TENT4B: variants seen among roughly 807,000 people sequenced by gnomAD.
TENT4B encodes terminal nucleotidyltransferase 4B.
TENT4B carries 10 observed loss-of-function variants against 75.0 expected under a neutral mutation model. That is an observed-to-expected ratio of 0.13 (90% CI 0.08 to 0.23). The LOEUF is 0.23. TENT4B is among the 10% of genes least tolerant of loss of function. The pLI is 1.00. For missense variants in TENT4B, 579 were observed against 893.8 expected (o/e 0.65, Z 4.49); for synonymous variants, 350 against 357.7 (o/e 0.98, Z 0.24).
At chr16:50,191,285 A>G (rs2038632989) in intron 1 of TENT4B, among the ~76,000 whole-genome samples, 1 of 152,022 alleles carries the variant, frequency 6.6e-6, no homozygotes, top group African/African-American at 2.4e-5. Context: ...AGGAAGTGCC[A>G]TGCTGTTTTC....
intron 1 of TENT4B, among the ~76,000 whole-genome samples, chr16:50,179,864 A>G (rs780754995): frequency 6.6e-6 from 1 of 152,150 alleles, no homozygotes; most frequent in Admixed American, 6.5e-5. Context: ...GTTAAATCAA[A>G]TAAAACCAGG....
intron 3 of TENT4B, among the ~76,000 whole-genome samples, chr16:50,214,842 C>T (rs1264668192): frequency 6.6e-6 from 1 of 152,170 alleles, no homozygotes; most frequent in Non-Finnish European, 1.5e-5. Flanking sequence ...GAGTATTGCT[C>T]AGTCCCATAA....
chr16:50,206,252 T>A (rs2030958530), intron 1 of TENT4B, among the ~76,000 whole-genome samples: 1 of 152,084 alleles, frequency 6.6e-6, no homozygotes, highest in African/African-American at 2.4e-5. Context: ...TCAGGAGAGA[T>A]TGTAGTAATT....
intron 1 of TENT4B, among the ~76,000 whole-genome samples, chr16:50,197,253 C>T (rs1013629916): frequency 2.0e-5 from 3 of 152,166 alleles, no homozygotes; most frequent in African/African-American, 7.2e-5. Context: ...ACTAGAGACA[C>T]TTCCCATTTG....
intron 10 of TENT4B, among the ~76,000 whole-genome samples, chr16:50,226,123 C>T (rs910570578): frequency 6.6e-6 from 1 of 152,016 alleles, no homozygotes; most frequent in African/African-American, 2.4e-5. Context: ...CCTCAGCCTC[C>T]TGAGTATCTA....
chr16:50,165,091 C>G (rs754701573), intron 1 of TENT4B, among the ~76,000 whole-genome samples: 5 of 151,260 alleles, frequency 3.3e-5, no homozygotes, highest in African/African-American at 4.9e-5. Context: ...TGACAAACAT[C>G]TTTTCATTTC....
chr16:50,163,862 T>C (rs1258629119), intron 1 of TENT4B, among the ~76,000 whole-genome samples: 1 of 151,986 alleles, frequency 6.6e-6, no homozygotes, highest in Admixed American at 6.6e-5. Context: ...TTTTATTTTA[T>C]AGAAATGGGG....
intron 1 of TENT4B, among the ~76,000 whole-genome samples, chr16:50,155,058 G>T (rs908954566): frequency 6.6e-6 from 1 of 152,052 alleles, no homozygotes; most frequent in Admixed American, 6.6e-5. Flanking sequence ...CATTCTAGGG[G>T]GTAGAGATTT....
intron 2 of TENT4B, among the ~76,000 whole-genome samples, chr16:50,213,727 T>C (rs2031404804): frequency 6.6e-6 from 1 of 152,156 alleles, no homozygotes; most frequent in South Asian, 2.1e-4. Context: ...CAGAAAAAAC[T>C]ATAAAAATAA....
intron 10 of TENT4B, among the ~76,000 whole-genome samples, chr16:50,227,336 G>A (rs1039060826): frequency 2.0e-5 from 3 of 152,166 alleles, no homozygotes; most frequent in Non-Finnish European, 2.9e-5. Flanking sequence ...GCAGAGAGAC[G>A]TAGCATTGTC....
In TENT4B at chr16:50,233,949, A is replaced by G; in HGVS notation, c.*4621A>G. The G allele has an allele frequency of 1.0e-6, 1 of 985,446 alleles. No homozygotes were observed. Among genetic ancestry groups the G allele is most frequent in the Non-Finnish European group, 1.2e-6 (1 of 829,934 alleles). 61.0% of individuals were successfully genotyped at this position (985,446 alleles called of 1,614,324 possible). A position where few individuals can be genotyped will look rare whatever the true frequency, so the allele number is the denominator to read the frequency against. On this transcript the variant is annotated 3_prime_UTR_variant, in exon 12 of 12. Transcript: ENST00000561678. ...TATTTCAGTGAACATTTTTATTAGT[A>G]GTTGCATATCATCTCTAGTTCCACA...
intron 1 of TENT4B, among the ~76,000 whole-genome samples, chr16:50,175,309 A>G (rs2038285167): frequency 1.3e-5 from 2 of 152,108 alleles, no homozygotes; most frequent in Admixed American, 6.6e-5. Context: ...CCAGTTTACC[A>G]ATTCTTTCTT....
chr16:50,204,978 G>T (rs1019908470), intron 1 of TENT4B, among the ~76,000 whole-genome samples: 3 of 152,026 alleles, frequency 2.0e-5, no homozygotes, highest in African/African-American at 4.8e-5. Context: ...TTCCACAGCC[G>T]GCCCATATCA....
intron 5 of TENT4B, among the ~76,000 whole-genome samples, chr16:50,219,578 A>G (rs919687533): frequency 3.9e-5 from 6 of 152,160 alleles, no homozygotes; most frequent in African/African-American, 1.4e-4. Flanking sequence ...AAGATTCCCA[A>G]AAGCAAAATT....
rs34413257 is a variant in TENT4B at position 50,230,300 on chromosome 16, GA to G, written c.*989del. ...TTTTCCCCCCATTTCTTCCTAATAG[GA>G]AAAAAAAAAAAAAAAAGGTCACCCA... On this transcript the variant is annotated 3_prime_UTR_variant, in exon 12 of 12. Transcript: ENST00000561678. The G allele has an allele frequency of 0.022, 19,510 of 885,886 alleles. 20 individuals carry two copies. Among genetic ancestry groups the G allele is most frequent in the African/African-American group, 0.054 (2,532 of 47,214 alleles). The allele number at this position is 885,886 out of a possible 1,614,324, so 54.9% of individuals were successfully genotyped here.
In TENT4B at chr16:50,223,166, G is replaced by T; in HGVS notation, c.1168-8G>T. On this transcript the variant is annotated splice_polypyrimidine_tract_variant and splice_region_variant and intron_variant, in intron 6 of 11. Transcript: ENST00000561678. ...AATCCAATATAATTTCTTCTTTTCT[G>T]CTTTTAGTTACATCCCAGGGAAGAT... 1.3e-6 allele frequency: 2 copies of T among 1,571,382 alleles called. No individual in the cohort carries two copies. The highest frequency in any genetic ancestry group is 1.7e-6 in the Non-Finnish European group (2 of 1,156,202).
intron 1 of TENT4B, among the ~76,000 whole-genome samples, chr16:50,201,363 G>A (rs1260084459): frequency 2.7e-5 from 4 of 150,112 alleles, no homozygotes; most frequent in Admixed American, 6.6e-5. Context: ...ATGGTGAAAC[G>A]CTGTCTCTAC....
chr16:50,223,089 T>C (rs1174532565), intron 6 of TENT4B, 85 bp from the exon 7 acceptor site: 2 of 1,127,216 alleles, frequency 1.8e-6, no homozygotes, highest in African/African-American at 1.6e-5. Context: ...ATAATATTGC[T>C]TGTAGAAGTT....
intron 1 of TENT4B, among the ~76,000 whole-genome samples, chr16:50,185,220 A>G (rs1005851915): frequency 6.6e-6 from 1 of 152,182 alleles, no homozygotes; most frequent in Non-Finnish European, 1.5e-5. Context: ...TTATCAACCA[A>G]TCTTACTGTG....
Sources: gnomAD v4.1 joint callset for allele counts (sites outside exome capture counted in the v4.1 genomes callset) on GRCh38, gnomAD v4.1.1 for gene constraint, MANE v1.5 for transcripts, NCBI Gene and HGNC (gene_info 2026-07-23, HGNC 2026-07-21) for gene names.